The following PDE8A variants were observed in gnomAD, a reference collection of about 807,000 sequenced individuals.
The protein encoded by PDE8A is high affinity cAMP-specific and IBMX-insensitive 3',5'-cyclic phosphodiesterase 8A.
In PDE8A, 59 loss-of-function variants were observed where a neutral mutation model predicts 105.0. That is an observed-to-expected ratio of 0.56 (90% CI 0.46 to 0.70). PDE8A has a LOEUF of 0.70. Among genes scored for constraint, PDE8A ranks in the 30% least tolerant of loss-of-function variants. The pLI is 0.00. For missense variants in PDE8A, 1,014 were observed against 1,045.9 expected, an observed-to-expected ratio of 0.97 and a Z score of 0.42; for synonymous variants, 355 against 371.9, an observed-to-expected ratio of 0.95 and a Z score of 0.52.
At chr15:85,113,254 A>G in intron 12 of PDE8A, 123 bp from the exon 13 acceptor site, 1 of 801,008 alleles carries the variant, frequency 1.2e-6, no homozygotes, top group Non-Finnish European at 2.2e-6. Context: ...ATGGGAAGGA[A>G]GCTCAGCAAA....
At chr15:85,068,820 A>G (rs2081270414) in intron 3 of PDE8A, among the ~76,000 whole-genome samples, 1 of 152,240 alleles carries the variant, frequency 6.6e-6, no homozygotes, top group Admixed American at 6.5e-5. Flanking sequence ...AAAGGTGACT[A>G]CTAGAGCATC....
At chr15:85,046,103 T>G (rs866820651) in intron 1 of PDE8A, among the ~76,000 whole-genome samples, 1 of 149,178 alleles carries the variant, frequency 6.7e-6, no homozygotes. Context: ...AGTCTCGCCC[T>G]GTCACCCAGG....
At chr15:85,086,812 A>G (rs2081560355) in intron 6 of PDE8A, among the ~76,000 whole-genome samples, 2 of 151,602 alleles carry the variant, frequency 1.3e-5, no homozygotes, top group Non-Finnish European at 2.9e-5. Flanking sequence ...GTGCAGTGGC[A>G]TGATCTCTGC....
chr15:85,021,741 G>C (rs1489653490), intron 1 of PDE8A, among the ~76,000 whole-genome samples: 1 of 152,156 alleles, frequency 6.6e-6, no homozygotes, highest in East Asian at 1.9e-4. Context: ...CCTGTCCATT[G>C]AGATCTAGAT....
intron 3 of PDE8A, among the ~76,000 whole-genome samples, chr15:85,073,243 A>G (rs1309646357): frequency 6.6e-6 from 1 of 152,202 alleles, no homozygotes; most frequent in Non-Finnish European, 1.5e-5. Flanking sequence ...ATTCAGGTAT[A>G]CATTTCAATA....
intron 1 of PDE8A, among the ~76,000 whole-genome samples, chr15:84,984,950 G>T (rs2079778644): frequency 6.6e-6 from 1 of 152,032 alleles, no homozygotes; most frequent in African/African-American, 2.4e-5. Flanking sequence ...AACACTTCTG[G>T]TCTCAAGCAT....
chr15:85,080,988 A>G (rs1428758113), intron 5 of PDE8A, among the ~76,000 whole-genome samples: 1 of 152,218 alleles, frequency 6.6e-6, no homozygotes, highest in Non-Finnish European at 1.5e-5. Flanking sequence ...GCGGTCAACC[A>G]GTCCTCAGAG....
intron 20 of PDE8A, among the ~76,000 whole-genome samples, 185 bp downstream of exon 20, chr15:85,126,559 A>T (rs1335307055): frequency 1.3e-5 from 2 of 151,204 alleles, no homozygotes; most frequent in Non-Finnish European, 2.9e-5. Flanking sequence ...TTTTCCCTTT[A>T]TTCTTGCAGG....
intron 3 of PDE8A, among the ~76,000 whole-genome samples, chr15:85,073,039 A>G (rs1347734959): frequency 1.3e-5 from 2 of 152,182 alleles, no homozygotes; most frequent in Non-Finnish European, 2.9e-5. Context: ...ACTTGAGCCC[A>G]GGAGGTCAAA....
intron 18 of PDE8A, among the ~76,000 whole-genome samples, chr15:85,121,986 C>G (rs1030511654): frequency 2.6e-5 from 4 of 152,162 alleles, no homozygotes; most frequent in African/African-American, 9.7e-5. Context: ...ATATCTTGAG[C>G]TCTTAGAGAC....
intron 1 of PDE8A, among the ~76,000 whole-genome samples, chr15:85,029,639 G>A (rs891378739): frequency 1.3e-5 from 2 of 151,990 alleles, no homozygotes; most frequent in African/African-American, 4.8e-5. Context: ...AAAATGCAAT[G>A]GTAACACACA....
chr15:85,005,548 C>T (rs2080132781), intron 1 of PDE8A, among the ~76,000 whole-genome samples: 1 of 152,142 alleles, frequency 6.6e-6, no homozygotes, highest in Non-Finnish European at 1.5e-5. Flanking sequence ...CCTAAAAGAA[C>T]ATTTTGAGAG....
intron 1 of PDE8A, among the ~76,000 whole-genome samples, chr15:84,986,023 G>C (rs1273288061): frequency 6.6e-6 from 1 of 152,084 alleles, no homozygotes; most frequent in African/African-American, 2.4e-5. Flanking sequence ...CCAGGAGTTT[G>C]AGACCAGCCT....
At chr15:85,027,600 G>A (rs1433254802) in intron 1 of PDE8A, among the ~76,000 whole-genome samples, 2 of 152,152 alleles carry the variant, frequency 1.3e-5, no homozygotes, top group Admixed American at 6.5e-5. Flanking sequence ...CTGAGCAATG[G>A]CATTTACTGT....
chr15:84,985,172 A>G (rs919144293), intron 1 of PDE8A, among the ~76,000 whole-genome samples: 4 of 152,230 alleles, frequency 2.6e-5, no homozygotes, highest in African/African-American at 9.7e-5. Context: ...CTGATTCTTT[A>G]TGTGAGATAC....
intron 1 of PDE8A, among the ~76,000 whole-genome samples, chr15:85,019,957 T>G (rs1361358204): frequency 1.4e-5 from 2 of 141,832 alleles, no homozygotes; most frequent in Admixed American, 7.0e-5. Flanking sequence ...TTTTTTTTTT[T>G]TTTTTTTTTT....
intron 12 of PDE8A, among the ~76,000 whole-genome samples, chr15:85,112,481 C>A (rs1356620937): frequency 6.6e-6 from 1 of 152,056 alleles, no homozygotes; most frequent in East Asian, 1.9e-4. Context: ...GGTTTAATGA[C>A]CTTGTTGGGT....
At chr15:85,035,964 T>A (rs1226132412) in intron 1 of PDE8A, among the ~76,000 whole-genome samples, 1 of 152,230 alleles carries the variant, frequency 6.6e-6, no homozygotes, top group Non-Finnish European at 1.5e-5. Flanking sequence ...ATCTAGCAGT[T>A]GCTAATGCCA....
intron 1 of PDE8A, among the ~76,000 whole-genome samples, chr15:84,992,713 A>G (rs1156816505): frequency 6.6e-6 from 1 of 152,130 alleles, no homozygotes; most frequent in Non-Finnish European, 1.5e-5. Flanking sequence ...CTAGTGACAA[A>G]TTGGACTTGG....
Sources: gnomAD v4.1 joint callset for allele counts (sites outside exome capture counted in the v4.1 genomes callset) on GRCh38, gnomAD v4.1.1 for gene constraint, MANE v1.5 for transcripts, NCBI Gene and HGNC (gene_info 2026-07-23, HGNC 2026-07-21) for gene names.